CDCA8: variants seen among roughly 807,000 people sequenced by gnomAD.
CDCA8 encodes cell division cycle associated 8.
A neutral mutation model predicts 40.0 loss-of-function variants in CDCA8; 25 were observed. That is an observed-to-expected ratio of 0.63 (90% CI 0.46 to 0.87). The LOEUF (loss-of-function observed/expected upper bound fraction) is 0.87. Among genes scored for constraint, CDCA8 ranks in the 40% least tolerant of loss-of-function variants. CDCA8 has a pLI of 0.00. For synonymous variants in CDCA8, 111 were observed against 126.5 expected (o/e 0.88, Z 0.82); for missense variants, 280 against 348.4 (o/e 0.80, Z 1.56).
intron 6 of CDCA8, 112 bp downstream of exon 6, chr1:37,701,930 G>A: frequency 2.6e-6 from 2 of 780,170 alleles, no homozygotes; most frequent in Non-Finnish European, 4.3e-6. Context: ...TTTGAAAGCA[G>A]CTTAAAATCA....
At chr1:37,698,337 A>T (rs1306173945) in intron 3 of CDCA8, among the ~76,000 whole-genome samples, 3 of 152,244 alleles carry the variant, frequency 2.0e-5, no homozygotes, top group Non-Finnish European at 4.4e-5. Context: ...CCTCAGACAC[A>T]TGTAAGACAG....
At chr1:37,700,367 T>C in intron 4 of CDCA8, 69 bp from the exon 5 acceptor site, 4 of 891,006 alleles carry the variant, frequency 4.5e-6, no homozygotes, top group Non-Finnish European at 7.5e-6. Context: ...TTTATTCCTA[T>C]AAGAAATGTG....
chr1:37,702,595 C>T (rs1376721287), intron 6 of CDCA8, among the ~76,000 whole-genome samples: 2 of 152,118 alleles, frequency 1.3e-5, no homozygotes, highest in Admixed American at 6.5e-5. Flanking sequence ...AGCTGCCTGG[C>T]ACAAGGACAG....
chr1:37,707,216 C>T (rs1645607948), intron 9 of CDCA8, 152 bp downstream of exon 9: 1 of 612,740 alleles, frequency 1.6e-6, no homozygotes, highest in African/African-American at 1.8e-5. Flanking sequence ...TCTTACCCTA[C>T]TTAGATAGCA....
At chr1:37,708,221 T>C (rs1017056928) in intron 9 of CDCA8, 101 bp from the exon 10 acceptor site, 3 of 987,488 alleles carry the variant, frequency 3.0e-6, no homozygotes, top group Non-Finnish European at 3.3e-6. Flanking sequence ...TCATGTGTGA[T>C]ACAGATAGAG....
Position 37,700,498 on chromosome 1 carries a change from CG to C in CDCA8, c.401del (p.Arg134LeufsTer55). ...VEEEEEEENE[R>X]KNLQTARVKR... is the part of the protein sequence containing the mutation. ...AGAGGAAGAAGAAGAAGAAAATGAA[CG>C]TAAGAATCTTCAAACTGCAAGAGTA... On this transcript the variant is annotated frameshift_variant, in exon 5 of 10. Transcript: ENST00000373055. LOFTEE classifies it high-confidence loss of function. The C allele has an allele frequency of 6.2e-7, 1 of 1,609,172 alleles. No homozygotes were observed. The highest frequency in any genetic ancestry group is 8.5e-7 in the Non-Finnish European group (1 of 1,175,674).
chr1:37,706,443 T>C (rs34916188), intron 8 of CDCA8, among the ~76,000 whole-genome samples: 10,334 of 152,210 alleles, frequency 0.068, 441 homozygotes, highest in Middle Eastern at 0.16. Flanking sequence ...GCCCATCCGA[T>C]TGTAGTAGGC....
Position 37,708,429 on chromosome 1 carries a change from C to A in CDCA8, c.*63C>A. 6.9e-7 allele frequency: 1 copy of A among 1,446,852 alleles called. No individual in the cohort carries two copies. Among genetic ancestry groups the A allele is most frequent in the Non-Finnish European group, 9.7e-7 (1 of 1,028,380 alleles). The allele number at this position is 1,446,852 out of a possible 1,614,324, so 89.6% of individuals were successfully genotyped here. A position where few individuals can be genotyped will look rare whatever the true frequency, so the allele number is the denominator to read the frequency against. ...TTCTGGGACCCTGAAGAGACTTCTT[C>A]CCTTCAGGCTTATTGTTTGAGTGTG... is the stretch of plus-strand genomic sequence containing the variant. On this transcript the variant is annotated 3_prime_UTR_variant, in exon 10 of 10. Transcript: ENST00000373055.
intron 5 of CDCA8, 107 bp downstream of exon 5, chr1:37,700,628 T>C (rs1645557512): frequency 1.4e-6 from 1 of 725,192 alleles, no homozygotes; most frequent in Non-Finnish European, 2.5e-6. Context: ...GTAGAGATGA[T>C]CCTACTTTAC....
intron 3 of CDCA8, among the ~76,000 whole-genome samples, chr1:37,698,048 A>C (rs1206461552): frequency 6.6e-6 from 1 of 152,224 alleles, no homozygotes; most frequent in Non-Finnish European, 1.5e-5. Context: ...ACGAATTTGA[A>C]TGGTGACTGG....
At chr1:37,700,347 T>C in intron 4 of CDCA8, 89 bp from the exon 5 acceptor site, 1 of 773,748 alleles carries the variant, frequency 1.3e-6, no homozygotes, top group Non-Finnish European at 2.3e-6. Flanking sequence ...CAGCTTAAGA[T>C]TGTGTACATT....
intron 1 of CDCA8, 33 bp downstream of exon 1, chr1:37,692,817 C>A (rs755241952): frequency 2.7e-5 from 44 of 1,612,244 alleles, no homozygotes; most frequent in Non-Finnish European, 3.4e-5. Context: ...CCTCCTGGGG[C>A]GGTCGCGGGA....
At chr1:37,700,641 G>A in intron 5 of CDCA8, 120 bp downstream of exon 5, 1 of 684,220 alleles carries the variant, frequency 1.5e-6, no homozygotes, top group Non-Finnish European at 2.7e-6. Flanking sequence ...TACTTTACAT[G>A]GCAATGACAA....
At chr1:37,705,231 T>C (rs1481772540) in intron 7 of CDCA8, among the ~76,000 whole-genome samples, 2 of 152,242 alleles carry the variant, frequency 1.3e-5, no homozygotes, top group Non-Finnish European at 2.9e-5. Flanking sequence ...TTTTGTAAGA[T>C]GTATGTTCAA....
intron 2 of CDCA8, among the ~76,000 whole-genome samples, chr1:37,695,368 T>TAAAAA (rs71690196): frequency 1.6e-4 from 12 of 76,458 alleles, no homozygotes; most frequent in Admixed American, 5.2e-4. Context: ...CATCTCTACT[T>TAAAAA]AAAAAAAAAA....
intron 7 of CDCA8, 82 bp downstream of exon 7, chr1:37,703,429 T>C (rs1645578652): frequency 1.9e-6 from 2 of 1,073,414 alleles, no homozygotes; most frequent in South Asian, 2.5e-5. Context: ...AAGAAAATAC[T>C]CCTAGGCCAG....
At chr1:37,705,598 A>T in intron 8 of CDCA8, 31 bp downstream of exon 8, 2 of 1,610,860 alleles carry the variant, frequency 1.2e-6, no homozygotes, top group African/African-American at 1.3e-5. Context: ...GCCAGGCCAC[A>T]GTGTGCTGCT....
intron 8 of CDCA8, 65 bp from the exon 9 acceptor site, chr1:37,706,913 G>A: frequency 1.6e-6 from 2 of 1,260,808 alleles, no homozygotes; most frequent in South Asian, 1.2e-5. Flanking sequence ...CAGGATATCA[G>A]GGGAACCTAG....
chr1:37,693,483 C>T (rs1645494535), intron 2 of CDCA8, among the ~76,000 whole-genome samples: 1 of 152,160 alleles, frequency 6.6e-6, no homozygotes, highest in South Asian at 2.1e-4. Context: ...ACTGCAACCT[C>T]CACCTTCTGG....
Sources: gnomAD v4.1 joint callset for allele counts (sites outside exome capture counted in the v4.1 genomes callset) on GRCh38, gnomAD v4.1.1 for gene constraint, MANE v1.5 for transcripts, NCBI Gene and HGNC (gene_info 2026-07-23, HGNC 2026-07-21) for gene names.